The following DLGAP2 variants were observed in gnomAD, a reference collection of about 807,000 sequenced individuals.
DLGAP2 encodes DLG associated protein 2.
In DLGAP2, 26 loss-of-function variants were observed where a neutral mutation model predicts 100.3. That is an observed-to-expected ratio of 0.26 (90% CI 0.19 to 0.36). The LOEUF (loss-of-function observed/expected upper bound fraction) is 0.36. Ranked by LOEUF, DLGAP2 falls within the 10% of genes least tolerant of loss-of-function variation. DLGAP2 has a pLI of 1.00. For missense variants in DLGAP2, 1,858 were observed against 1,453.2 expected (o/e 1.28, Z -4.53); for synonymous variants, 886 against 630.1 (o/e 1.41, Z -6.08).
chr8:1,694,913 C>A (rs1799343548), intron 13 of DLGAP2, among the ~76,000 whole-genome samples: 2 of 152,240 alleles, frequency 1.3e-5, no homozygotes, highest in South Asian at 4.1e-4. Context: ...GATTCAGATG[C>A]AACCACCTCC....
chr8:1,240,920 TGTGTCTAGTTCTCTCACATGGCGCC>T (rs1563274212), intron 2 of DLGAP2, among the ~76,000 whole-genome samples: 2 of 4,664 alleles, frequency 4.3e-4, no homozygotes. Context: ...CACATGGCAC[TGTGTCTAGTTCTCTCACATGGCGCC>T]GTGTCTAGTT....
chr8:1,680,360 G>A (rs1563058805), intron 12 of DLGAP2, among the ~76,000 whole-genome samples: 1 of 152,218 alleles, frequency 6.6e-6, no homozygotes, highest in Non-Finnish European at 1.5e-5. Flanking sequence ...AAACTACATT[G>A]ACTATGACTT....
intron 2 of DLGAP2, among the ~76,000 whole-genome samples, chr8:1,150,657 A>G (rs1796682896): frequency 6.6e-6 from 1 of 152,268 alleles, no homozygotes; most frequent in Non-Finnish European, 1.5e-5. Flanking sequence ...GACACTGCTC[A>G]ACTTGGAGGT....
chr8:769,681 G>A (rs1451006493), intron 1 of DLGAP2, among the ~76,000 whole-genome samples: 4 of 152,150 alleles, frequency 2.6e-5, no homozygotes, highest in Non-Finnish European at 5.9e-5. Context: ...CATCCTAGAC[G>A]GTAGCTTGGG....
intron 6 of DLGAP2, among the ~76,000 whole-genome samples, chr8:1,575,919 A>G (rs1197250271): frequency 6.6e-6 from 1 of 152,110 alleles, no homozygotes; most frequent in Non-Finnish European, 1.5e-5. Flanking sequence ...ATAGTGCTGT[A>G]ATAAACATAC....
intron 3 of DLGAP2, among the ~76,000 whole-genome samples, chr8:1,366,990 G>A (rs1010704891): frequency 2.0e-5 from 3 of 150,376 alleles, no homozygotes; most frequent in Non-Finnish European, 4.4e-5. Context: ...CACAGACCCC[G>A]GTAAATAACA....
At chr8:1,256,148 C>T (rs866260223) in intron 2 of DLGAP2, among the ~76,000 whole-genome samples, 1 of 116,792 alleles carries the variant, frequency 8.6e-6, no homozygotes, top group Non-Finnish European at 1.6e-5. Flanking sequence ...CCTCTCATGC[C>T]TGGGTGCTGT....
At chr8:1,690,524 G>C (rs1286816441) in intron 12 of DLGAP2, among the ~76,000 whole-genome samples, 1 of 148,506 alleles carries the variant, frequency 6.7e-6, no homozygotes, top group East Asian at 2.0e-4. Flanking sequence ...GACCAACATG[G>C]AAAAACCCCA....
At chr8:1,018,550 C>T (rs895264426) in intron 2 of DLGAP2, among the ~76,000 whole-genome samples, 1 of 152,210 alleles carries the variant, frequency 6.6e-6, no homozygotes, top group Non-Finnish European at 1.5e-5. Flanking sequence ...GTGACTCTGT[C>T]CTCCTGGCTC....
At chr8:806,970 C>A (rs954049419) in intron 1 of DLGAP2, among the ~76,000 whole-genome samples, 2 of 152,208 alleles carry the variant, frequency 1.3e-5, no homozygotes, top group African/African-American at 4.8e-5. Flanking sequence ...TCCCCTGGAA[C>A]TGGGCATCTA....
chr8:1,654,114 G>A (rs1798229230), intron 8 of DLGAP2, among the ~76,000 whole-genome samples: 1 of 152,056 alleles, frequency 6.6e-6, no homozygotes, highest in South Asian at 2.1e-4. Flanking sequence ...TGAAATCTTG[G>A]TAGTAAAGAT....
intron 2 of DLGAP2, among the ~76,000 whole-genome samples, chr8:1,029,812 G>A (rs1046294910): frequency 2.0e-5 from 3 of 152,206 alleles, no homozygotes; most frequent in Non-Finnish European, 4.4e-5. Flanking sequence ...TCTGGGAGGG[G>A]CAGGTGGGGT....
At chr8:1,423,419 C>G (rs1011471012) in intron 3 of DLGAP2, among the ~76,000 whole-genome samples, 2 of 152,196 alleles carry the variant, frequency 1.3e-5, no homozygotes, top group African/African-American at 4.8e-5. Flanking sequence ...CACCACATCC[C>G]ATAGCCCACT....
chr8:1,174,310 C>T (rs949671976), intron 2 of DLGAP2, among the ~76,000 whole-genome samples: 4 of 151,984 alleles, frequency 2.6e-5, no homozygotes, highest in East Asian at 1.9e-4. Context: ...CCGTCATTAC[C>T]ATTACCAAAA....
At chr8:1,013,544 G>A (rs1257924551) in intron 2 of DLGAP2, among the ~76,000 whole-genome samples, 3 of 152,170 alleles carry the variant, frequency 2.0e-5, no homozygotes, top group South Asian at 2.1e-4. Context: ...TGATGTTGCC[G>A]CAGAGGTCTC....
chr8:1,004,448 C>T (rs145587310), intron 2 of DLGAP2, among the ~76,000 whole-genome samples: 1,561 of 152,270 alleles, frequency 0.01, 27 homozygotes, highest in African/African-American at 0.035. Flanking sequence ...TTCAAATACA[C>T]GTCCAGATTT....
intron 12 of DLGAP2, among the ~76,000 whole-genome samples, chr8:1,686,513 C>A (rs1465317365): frequency 1.3e-5 from 2 of 152,090 alleles, no homozygotes; most frequent in African/African-American, 2.4e-5. Context: ...ACTAAAAATA[C>A]AAAAGTTAGC....
At chr8:1,595,464 C>T (rs1267669566) in intron 6 of DLGAP2, among the ~76,000 whole-genome samples, 3 of 150,790 alleles carry the variant, frequency 2.0e-5, no homozygotes, top group Admixed American at 2.0e-4. Flanking sequence ...GAGATCGAGA[C>T]CATCCTGGCT....
intron 3 of DLGAP2, among the ~76,000 whole-genome samples, chr8:1,390,993 G>A (rs898429729): frequency 4.6e-5 from 7 of 152,206 alleles, no homozygotes; most frequent in African/African-American, 1.4e-4. Context: ...GCAGGACGAA[G>A]GGGCAGCAGC....
Sources: allele counts gnomAD v4.1 joint callset (sites outside exome capture counted in the v4.1 genomes callset), GRCh38; gene constraint gnomAD v4.1.1; transcripts MANE v1.5; gene names NCBI Gene and HGNC (gene_info 2026-07-23, HGNC 2026-07-21).